The following VRK2 variants were observed in gnomAD, a reference collection of about 807,000 sequenced individuals.
The protein encoded by VRK2 is VRK serine/threonine kinase 2.
A neutral mutation model predicts 57.6 loss-of-function variants in VRK2; 60 were observed. The observed-to-expected ratio is 1.04, with a 90% CI of 0.85 to 1.29. The LOEUF is 1.29. VRK2 is among the 50% of genes most tolerant of loss of function. The probability of loss-of-function intolerance (pLI) is 0.00; values close to 1 mark genes in which losing one functional copy is unlikely to be tolerated. For synonymous variants in VRK2, 231 were observed against 199.2 expected (o/e 1.16, Z -1.35); for missense variants, 705 against 588.1 (o/e 1.20, Z -2.06).
rs571417576 is a variant in VRK2, at chr2:58,151,608, G to T, written c.1182+5134G>T. Among the ~76,000 whole-genome samples the T allele has an allele frequency of 4.6e-5, 7 of 151,244 alleles. No homozygotes were observed. The East Asian group carries it at 1.4e-3, about 29-fold the overall frequency. ...TTGAGGTAACTATTGATATAGCTGG[G>T]TTTAATCTACCATTATGCAGTTTGC... On this transcript the variant is annotated intron_variant, in intron 12 of 12. Transcript: ENST00000340157.
chr2:58,121,594 A>C (rs1573234257), intron 7 of VRK2, among the ~76,000 whole-genome samples: 1 of 152,150 alleles, frequency 6.6e-6, no homozygotes, highest in South Asian at 2.1e-4. Context: ...AATGAAGAAA[A>C]CTCTGTGCTG....
intron 8 of VRK2, among the ~76,000 whole-genome samples, chr2:58,128,621 C>T (rs553999971): frequency 3.9e-5 from 6 of 152,118 alleles, no homozygotes; most frequent in Non-Finnish European, 8.8e-5. Flanking sequence ...TATGAGCCAC[C>T]GCGCCTGGCA....
At chr2:58,006,394 G>T (rs1222989448) in intron 1 of VRK2, among the ~76,000 whole-genome samples, 1 of 152,184 alleles carries the variant, frequency 6.6e-6, no homozygotes, top group African/African-American at 2.4e-5. Context: ...TTAGTGGAAA[G>T]AATTCAAAGT....
chr2:58,084,245 A>G, intron 3 of VRK2, 107 bp downstream of exon 3: 2 of 1,139,002 alleles, frequency 1.8e-6, no homozygotes, highest in Non-Finnish European at 2.4e-6. Context: ...TTATCAGTAA[A>G]CCTAATGTTA....
intron 1 of VRK2, among the ~76,000 whole-genome samples, chr2:57,920,270 CCTCTGTTTAGTTGA>C (rs1028002472): frequency 6.6e-6 from 1 of 152,078 alleles, no homozygotes. Flanking sequence ...TGTCTGGATG[CCTCTGTTTAGTTGA>C]CTCATATCAT....
chr2:58,148,369 A>G (rs907122115), intron 12 of VRK2, among the ~76,000 whole-genome samples: 4 of 151,716 alleles, frequency 2.6e-5, no homozygotes, highest in Non-Finnish European at 5.9e-5. Context: ...TTATTTGGAT[A>G]TTTGTCTTTT....
At chr2:58,053,911 G>A (rs1676122671) in intron 2 of VRK2, among the ~76,000 whole-genome samples, 1 of 152,076 alleles carries the variant, frequency 6.6e-6, no homozygotes, top group Admixed American at 6.5e-5. Context: ...AGAAACTATA[G>A]TGTTTATGAT....
upstream of VRK2, among the ~76,000 whole-genome samples, chr2:58,045,131 A>T (rs1674643194): frequency 6.6e-6 from 1 of 152,248 alleles, no homozygotes; most frequent in Non-Finnish European, 1.5e-5. Flanking sequence ...GTAATTATTT[A>T]AGCGTTAAGG....
At position 57,994,497 on chromosome 2, in the gene VRK2, A is replaced by G. The variant is rs191092408; in HGVS notation, c.-438-31168A>G. ...TAACTGGCCAATCTCCATTTCCACTACTGATCCACTGGAATGAATAACAGA... is the reference window on the plus strand; with the variant it reads ...TAACTGGCCAATCTCCATTTCCACTGCTGATCCACTGGAATGAATAACAGA... On this transcript the variant is annotated intron_variant, in intron 1 of 15. Coordinates refer to the VRK2 transcript ENST00000417641. Among the ~76,000 whole-genome samples the G allele has an allele frequency of 3.3e-3, 497 of 152,312 alleles. 1 individual carries two copies. Among genetic ancestry groups the G allele is most frequent in the Middle Eastern group, 0.01 (3 of 294 alleles).
chr2:57,962,760 A>G (rs1158998193), intron 1 of VRK2, among the ~76,000 whole-genome samples: 1 of 152,378 alleles, frequency 6.6e-6, no homozygotes, highest in East Asian at 1.9e-4. Context: ...AAAGATGGAT[A>G]AATAAAATTC....
rs537493218 is a variant in VRK2, at chr2:58,048,587, GGTTA to G, written c.-5-236_-5-233del. On this transcript the variant is annotated intron_variant, in intron 1 of 12. Coordinates refer to ENST00000340157, the MANE Select transcript of VRK2 (RefSeq NM_006296.7). ...CCGAAATGAATTTTGGATGAAATTTGGTTAGTTTGCTTCTGTTTTTTTAAAATAT... is the reference window on the plus strand; with the variant it reads ...CCGAAATGAATTTTGGATGAAATTTGGTTTGCTTCTGTTTTTTTAAAATAT... 2.1e-4 allele frequency: 308 copies of G among 1,440,368 alleles called. 1 individual carries two copies. Among genetic ancestry groups the G allele is most frequent in the Middle Eastern group, 5.5e-4 (3 of 5,444 alleles). 89.2% of individuals were successfully genotyped at this position (1,440,368 alleles called of 1,614,324 possible).
chr2:58,148,619 T>C (rs1682524109), intron 12 of VRK2, among the ~76,000 whole-genome samples: 1 of 151,834 alleles, frequency 6.6e-6, no homozygotes, highest in Non-Finnish European at 1.5e-5. Flanking sequence ...CAAAGTTATT[T>C]TGCTATATAT....
At chr2:58,158,566 TA>T (rs1367815575) in intron 12 of VRK2, among the ~76,000 whole-genome samples, 2 of 152,124 alleles carry the variant, frequency 1.3e-5, no homozygotes, top group Non-Finnish European at 2.9e-5. Context: ...CTTTGTTTTA[TA>T]AATTTCTTCT....
At chr2:57,920,894 A>G (rs1396814513) in intron 1 of VRK2, among the ~76,000 whole-genome samples, 3 of 152,090 alleles carry the variant, frequency 2.0e-5, no homozygotes, top group Admixed American at 2.0e-4. Flanking sequence ...AGTACATGTT[A>G]TATTTTGGCA....
chr2:58,088,309 G>A (rs747648602), intron 5 of VRK2, 32 bp from the exon 6 acceptor site: 2 of 1,456,330 alleles, frequency 1.4e-6, no homozygotes, highest in Admixed American at 3.8e-5. Flanking sequence ...ACTTTCTCAG[G>A]ATGATCTCTT....
intron 10 of VRK2, among the ~76,000 whole-genome samples, chr2:58,137,490 T>A (rs970648945): frequency 6.6e-6 from 1 of 151,818 alleles, no homozygotes; most frequent in African/African-American, 2.4e-5. Context: ...TTTTATTGAA[T>A]CCATACTATT....
chr2:58,113,832 C>A (rs756532205), intron 7 of VRK2, among the ~76,000 whole-genome samples: 1 of 152,132 alleles, frequency 6.6e-6, no homozygotes, highest in Non-Finnish European at 1.5e-5. Flanking sequence ...GGGGATGCGA[C>A]GGCTTGGCTT....
At chr2:57,991,850 C>G (rs1672778276) in intron 1 of VRK2, among the ~76,000 whole-genome samples, 1 of 150,274 alleles carries the variant, frequency 6.7e-6, no homozygotes, top group Admixed American at 6.6e-5. Context: ...GCCAGCTACT[C>G]AGGAGGCTGA....
chr2:57,982,119 C>T (rs1672438903), intron 1 of VRK2, among the ~76,000 whole-genome samples: 1 of 152,130 alleles, frequency 6.6e-6, no homozygotes, highest in Non-Finnish European at 1.5e-5. Context: ...TGGATTTAGT[C>T]AATTGGCTTC....
Sources: gnomAD v4.1 joint callset for allele counts (sites outside exome capture counted in the v4.1 genomes callset) on GRCh38, gnomAD v4.1.1 for gene constraint, MANE v1.5 for transcripts, NCBI Gene and HGNC (gene_info 2026-07-23, HGNC 2026-07-21) for gene names.